Variants in NDST3 observed in about 807,000 individuals in gnomAD.
The protein encoded by NDST3 is bifunctional heparan sulfate N-deacetylase/N-sulfotransferase 3.
NDST3 carries 58 observed loss-of-function variants against 96.1 expected under a neutral mutation model. That is an observed-to-expected ratio of 0.60 (90% CI 0.49 to 0.75). NDST3 has a LOEUF of 0.75. Among genes scored for constraint, NDST3 ranks in the 30% least tolerant of loss-of-function variants. NDST3 has a pLI of 0.00. For synonymous variants in NDST3, 333 were observed against 359.7 expected (o/e 0.93, Z 0.84); for missense variants, 788 against 1,034.2 (o/e 0.76, Z 3.27).
intron 6 of NDST3, among the ~76,000 whole-genome samples, chr4:118,222,399 G>GAA (rs33971782): frequency 6.7e-6 from 1 of 148,270 alleles, no homozygotes; most frequent in African/African-American, 2.5e-5. Flanking sequence ...TGTGATTCAT[G>GAA]AAAAAAAAAA....
At chr4:118,238,145 GAAA>G (rs1218051129) in intron 10 of NDST3, among the ~76,000 whole-genome samples, 1,258 of 121,250 alleles carry the variant, frequency 0.01, 41 homozygotes, top group Non-Finnish European at 0.015. Flanking sequence ...GAGAGAGAGA[GAAA>G]AGAAAGAAAA....
chr4:118,061,176 T>C (rs1725864800), intron 2 of NDST3, among the ~76,000 whole-genome samples: 1 of 152,170 alleles, frequency 6.6e-6, no homozygotes, highest in Non-Finnish European at 1.5e-5. Context: ...GTATCTTTGC[T>C]GTTCCTTGCT....
chr4:118,169,540 T>A (rs1735786100), intron 6 of NDST3, among the ~76,000 whole-genome samples: 1 of 152,242 alleles, frequency 6.6e-6, no homozygotes, highest in Admixed American at 6.5e-5. Context: ...ACGCCTGTAA[T>A]CCTAGCACTT....
At chr4:118,218,675 T>C (rs948017428) in intron 6 of NDST3, among the ~76,000 whole-genome samples, 1 of 152,118 alleles carries the variant, frequency 6.6e-6, no homozygotes, top group Non-Finnish European at 1.5e-5. Flanking sequence ...CAACATAGTA[T>C]TGGAAGTTCG....
At chr4:118,108,006 T>C (rs1354610387) in intron 3 of NDST3, among the ~76,000 whole-genome samples, 1 of 152,094 alleles carries the variant, frequency 6.6e-6, no homozygotes, top group Non-Finnish European at 1.5e-5. Context: ...TGGCGGAAGA[T>C]GAAGGAAGAG....
chr4:118,146,377 AC>A (rs1328033169), intron 6 of NDST3, among the ~76,000 whole-genome samples: 17 of 152,224 alleles, frequency 1.1e-4, no homozygotes, highest in Non-Finnish European at 1.5e-5. Flanking sequence ...AAATACATTC[AC>A]ATACATTTGA....
chr4:118,115,191 T>TTTA (rs1730988597), intron 4 of NDST3, among the ~76,000 whole-genome samples: 1 of 152,174 alleles, frequency 6.6e-6, no homozygotes, highest in South Asian at 2.1e-4. Flanking sequence ...AAATACAAGA[T>TTTA]TTATTATGAC....
intron 2 of NDST3, among the ~76,000 whole-genome samples, chr4:118,069,113 T>G (rs574277170): frequency 6.7e-5 from 10 of 148,468 alleles, no homozygotes; most frequent in African/African-American, 2.4e-4. Flanking sequence ...GGTACATTGC[T>G]TCTGTGATCT....
chr4:118,120,071 G>C (rs1258508255), intron 4 of NDST3, among the ~76,000 whole-genome samples: 1 of 152,102 alleles, frequency 6.6e-6, no homozygotes, highest in East Asian at 1.9e-4. Context: ...GTTATGTATA[G>C]AGAATGGTGC....
intron 6 of NDST3, among the ~76,000 whole-genome samples, chr4:118,153,789 A>C (rs1397592263): frequency 1.3e-5 from 2 of 152,124 alleles, no homozygotes. Flanking sequence ...GCACCACTGC[A>C]CTCCAGCCTG....
intron 2 of NDST3, among the ~76,000 whole-genome samples, chr4:118,095,421 T>C (rs1239857614): frequency 2.0e-5 from 3 of 151,838 alleles, no homozygotes; most frequent in African/African-American, 7.2e-5. Context: ...TTCTGGACAG[T>C]TTTCTTAAAG....
Position 118,226,965 on chromosome 4 carries a change from T to C in NDST3, c.1802T>C (p.Ile601Thr). Residue 601 changes from isoleucine to threonine, a missense_variant, in exon 8 of 14, where the codon ATA becomes ACA. Around this residue, in one of 3 missense-constraint regions of NDST3, gnomAD observed 490 missense variants for 708.8 expected, o/e 0.69. Coordinates refer to ENST00000296499, the MANE Select transcript of NDST3 (RefSeq NM_004784.3). Reference protein sequence around the residue: ...TCDRLPKFLVIGPQKTGTTAL... With the variant: ...TCDRLPKFLVTGPQKTGTTAL... Reference sequence around the variant, plus strand: ...GATCGCTTACCAAAATTCTTGGTAATAGGACCCCAGAAAACTGGTGAGAAC... The same window carrying C: ...GATCGCTTACCAAAATTCTTGGTAACAGGACCCCAGAAAACTGGTGAGAAC... The C allele has an allele frequency of 1.2e-6, 2 of 1,611,974 alleles. No homozygotes were observed. Among genetic ancestry groups the C allele is most frequent in the East Asian group, 2.2e-5 (1 of 44,848 alleles).
chr4:118,043,821 G>A (rs2110429819), intron 1 of NDST3, among the ~76,000 whole-genome samples: 1 of 152,330 alleles, frequency 6.6e-6, no homozygotes, highest in East Asian at 1.9e-4. Flanking sequence ...GCATGGCAAA[G>A]TGAGATGTGC....
intron 11 of NDST3, among the ~76,000 whole-genome samples, chr4:118,241,281 G>T (rs1740989442): frequency 6.6e-6 from 1 of 151,754 alleles, no homozygotes; most frequent in Non-Finnish European, 1.5e-5. Context: ...GAAAAGTTCA[G>T]TTCCTTTAGC....
chr4:118,146,652 T>A (rs908939429), intron 6 of NDST3, among the ~76,000 whole-genome samples: 3 of 152,212 alleles, frequency 2.0e-5, no homozygotes, highest in Non-Finnish European at 4.4e-5. Flanking sequence ...CAAGTGAATT[T>A]AACAAAATAG....
intron 1 of NDST3, among the ~76,000 whole-genome samples, chr4:118,038,746 T>C (rs964512476): frequency 2.0e-5 from 3 of 152,206 alleles, no homozygotes; most frequent in African/African-American, 7.2e-5. Flanking sequence ...AAAAGGAATA[T>C]TGTCAGGATC....
chr4:118,240,640 G>A lies in NDST3; in HGVS notation c.2235G>A (p.Pro745=), dbSNP rs617430. The change falls in exon 11 of 14, where the codon CCG becomes CCA. Residue 745 remains proline (P), a synonymous_variant. Transcript: ENST00000296499. ...LRALQKRCLV[P]GWYASHIERW... ...CCTTGCAGAAGAGATGTTTGGTCCC[G>A]GGGTGGTATGCCAGCCACATCGAGA... The A allele has an allele frequency of 0.37, 596,143 of 1,613,010 alleles. 115,701 individuals are homozygous for A. Among genetic ancestry groups the A allele is most frequent in the Admixed American group, 0.41 (24,654 of 59,916 alleles).
chr4:118,101,728 T>C (rs556696263), intron 2 of NDST3, among the ~76,000 whole-genome samples: 1 of 152,116 alleles, frequency 6.6e-6, no homozygotes, highest in Non-Finnish European at 1.5e-5. Context: ...CACCAAAATA[T>C]ACATGCTACA....
intron 6 of NDST3, among the ~76,000 whole-genome samples, chr4:118,160,392 G>A (rs1198119689): frequency 6.6e-6 from 1 of 151,226 alleles, no homozygotes; most frequent in Non-Finnish European, 1.5e-5. Context: ...TACAAAATGG[G>A]AGAAAATATT....
Sources: allele counts gnomAD v4.1 joint callset (sites outside exome capture counted in the v4.1 genomes callset), GRCh38; gene constraint gnomAD v4.1.1; regional missense constraint gnomAD v4.1.1; transcripts MANE v1.5; gene names NCBI Gene and HGNC (gene_info 2026-07-23, HGNC 2026-07-21).